The following RPS20 variants were observed in gnomAD, a reference collection of about 807,000 sequenced individuals.
RPS20 encodes small ribosomal subunit protein uS10.
In RPS20, 3 loss-of-function variants were observed where a neutral mutation model predicts 15.3. The observed-to-expected ratio is 0.20, with a 90% CI of 0.09 to 0.51. The LOEUF (loss-of-function observed/expected upper bound fraction) is 0.51, where lower values mean the gene tolerates loss of function less well. Ranked by LOEUF, RPS20 falls within the 20% of genes least tolerant of loss-of-function variation. The probability of loss-of-function intolerance (pLI) is 0.96; values close to 1 mark genes in which losing one functional copy is unlikely to be tolerated. For missense variants in RPS20, 67 were observed against 145.9 expected (o/e 0.46, Z 2.79); for synonymous variants, 62 against 47.8 (o/e 1.30, Z -1.23).
chr8:56,070,765 A>G (rs1490512215), downstream of RPS20, among the ~76,000 whole-genome samples: 1 of 151,500 alleles, frequency 6.6e-6, no homozygotes, highest in Non-Finnish European at 1.5e-5. Context: ...ATTCTGACCC[A>G]GCAATGAACA....
At chr8:56,068,667 G>A (rs1380302589), downstream of RPS20, 1 of 151,582 alleles carries the variant, frequency 6.6e-6, no homozygotes, top group African/African-American at 2.4e-5. Context: ...CTAAAATAAT[G>A]AGCGATTTTT....
chr8:56,073,792 A>G (rs1339022072), intron 2 of RPS20, 24 bp from the exon 3 acceptor site: 1 of 1,606,940 alleles, frequency 6.2e-7, no homozygotes, highest in Non-Finnish European at 8.5e-7. Flanking sequence ...AAGACCTCTC[A>G]GTATAATCGA....
chr8:56,072,150 T>C (rs547683981), downstream of RPS20, among the ~76,000 whole-genome samples: 14 of 151,968 alleles, frequency 9.2e-5, no homozygotes, highest in South Asian at 4.1e-4. Context: ...TTGAGGTGGA[T>C]TGCATGAGCC....
downstream of RPS20, among the ~76,000 whole-genome samples, chr8:56,069,114 G>T (rs1809685427): frequency 6.6e-6 from 1 of 151,886 alleles, no homozygotes; most frequent in African/African-American, 2.4e-5. Context: ...TAAATAAATA[G>T]CAGTTTACAG....
chr8:56,070,288 A>G (rs933012769), downstream of RPS20, among the ~76,000 whole-genome samples: 3 of 152,218 alleles, frequency 2.0e-5, no homozygotes, highest in African/African-American at 7.2e-5. Context: ...ACTGAGGCTC[A>G]AAGTCAAGTA....
At chr8:56,068,667 G>T (rs1380302589), downstream of RPS20, 1 of 151,582 alleles carries the variant, frequency 6.6e-6, no homozygotes, top group Admixed American at 6.6e-5. Context: ...CTAAAATAAT[G>T]AGCGATTTTT....
At chr8:56,072,705 G>C (rs568833901), downstream of RPS20, 7 of 190,086 alleles carry the variant, frequency 3.7e-5, no homozygotes, top group South Asian at 1.8e-4. Flanking sequence ...CGTTAAACTT[G>C]GTTAATTTAA....
At chr8:56,068,404 G>C (rs1291266608), downstream of RPS20, 1 of 152,014 alleles carries the variant, frequency 6.6e-6, no homozygotes, top group African/African-American at 2.4e-5. Context: ...TGGGAACACT[G>C]GTGCACACCT....
chr8:56,073,479 A>G, intron 3 of RPS20: 1 of 633,210 alleles, frequency 1.6e-6, no homozygotes, highest in Non-Finnish European at 2.8e-6. Context: ...TGCGCCTGTT[A>G]AGCACCAAAG....
chr8:56,073,886 T>C (rs1284779820), intron 2 of RPS20, 118 bp from the exon 3 acceptor site: 2 of 1,104,772 alleles, frequency 1.8e-6, no homozygotes, highest in Non-Finnish European at 2.8e-6. Context: ...ACACAATAGG[T>C]ACCTCCTCAT....
At chr8:56,069,837 T>C, downstream of RPS20, 1 of 1,441,616 alleles carries the variant, frequency 6.9e-7, no homozygotes, top group Non-Finnish European at 9.6e-7. Flanking sequence ...CGATCAACTG[T>C]AGATCAAAAG....
chr8:56,070,148 T>C (rs895070488), downstream of RPS20, among the ~76,000 whole-genome samples: 2 of 146,352 alleles, frequency 1.4e-5, no homozygotes, highest in Non-Finnish European at 3.1e-5. Context: ...GAGCACATCC[T>C]GTATCAGTGA....
At chr8:56,069,477 T>C (rs535609909), downstream of RPS20, among the ~76,000 whole-genome samples, 14 of 152,246 alleles carry the variant, frequency 9.2e-5, no homozygotes, top group South Asian at 2.9e-3. Flanking sequence ...TTTTGTATTT[T>C]TAGTAGAGGC....
downstream of RPS20, among the ~76,000 whole-genome samples, chr8:56,070,866 CAG>C (rs1563346578): frequency 2.0e-5 from 3 of 152,116 alleles, no homozygotes; most frequent in Admixed American, 6.5e-5. Flanking sequence ...GTAAGCACTG[CAG>C]AGATATCCTA....
At chr8:56,069,765 G>C (rs2953900), downstream of RPS20, 2 of 1,551,466 alleles carry the variant, frequency 1.3e-6, no homozygotes, top group African/African-American at 1.4e-5. Context: ...CCGGGGATTC[G>C]AATACACTTC....
chr8:56,069,831 CA>C, downstream of RPS20: 1 of 1,458,162 alleles, frequency 6.9e-7, no homozygotes, highest in Non-Finnish European at 9.4e-7. Context: ...TAGATTCGAT[CA>C]ACTGTAGATC....
Position 56,074,487 on chromosome 8 carries a change from A to G in RPS20, c.-104T>C, listed in dbSNP as rs950357085. ...GGACCAAAAATCCTCAGCCCTTACG[A>G]CCGCGTCTTCCTCAAAAAGAAAGGG... On this transcript the variant is annotated 5_prime_UTR_variant, in exon 1 of 4. Transcript: ENST00000009589. The G allele has an allele frequency of 6.2e-6, 8 of 1,290,540 alleles. No homozygotes were observed. The African/African-American group carries it at 1.2e-4, about 19-fold the overall frequency. The allele number at this position is 1,290,540 out of a possible 1,614,324, so 79.9% of individuals were successfully genotyped here. A position where few individuals can be genotyped will look rare whatever the true frequency, so the allele number is the denominator to read the frequency against.
Position 56,073,715 on chromosome 8 carries a change from G to A in RPS20, c.157C>T (p.Pro53Ser). 1.2e-6 allele frequency: 2 copies of A among 1,613,956 alleles called. No homozygotes were observed. The highest frequency in any genetic ancestry group is 1.1e-5 in the South Asian group (1 of 91,074). ...TTTACCTTGGTAGGCATTCGAACTG[G>A]TCCTTTCACTTTGAGATTCTTTTCT... ...AKEKNLKVKG[P>S]VRMPTKTLRI... The change falls in exon 3 of 4, where the codon CCA becomes TCA. Residue 53 changes from proline to serine, a missense_variant. Pro to Ser is a moderately conservative substitution (Grantham distance 74). Transcript: ENST00000009589.
chr8:56,071,181 T>C (rs1415018498), downstream of RPS20, among the ~76,000 whole-genome samples: 1 of 152,222 alleles, frequency 6.6e-6, no homozygotes, highest in African/African-American at 2.4e-5. Flanking sequence ...GCCATGAAGC[T>C]GTCCTTCCAC....
Sources: allele counts gnomAD v4.1 joint callset (sites outside exome capture counted in the v4.1 genomes callset), GRCh38; gene constraint gnomAD v4.1.1; transcripts MANE v1.5; gene names NCBI Gene and HGNC (gene_info 2026-07-23, HGNC 2026-07-21).